Variants in BMPR1B observed in about 807,000 individuals in gnomAD.
The protein encoded by BMPR1B is bone morphogenetic protein receptor type-1B.
Under a neutral mutation model 59.1 loss-of-function variants are expected in BMPR1B, and 12 were observed. The observed-to-expected ratio is 0.20, with a 90% CI of 0.13 to 0.33. BMPR1B has a LOEUF of 0.33. BMPR1B is among the 10% of genes least tolerant of loss of function. BMPR1B has a pLI of 1.00. For missense variants in BMPR1B, 550 were observed against 610.9 expected, an observed-to-expected ratio of 0.90 and a Z score of 1.05; for synonymous variants, 237 against 207.3, an observed-to-expected ratio of 1.14 and a Z score of -1.23.
chr4:95,056,810 C>G (rs1331813772), intron 3 of BMPR1B, among the ~76,000 whole-genome samples: 1 of 151,794 alleles, frequency 6.6e-6, no homozygotes, highest in Non-Finnish European at 1.5e-5. Context: ...CAAAACAAGA[C>G]AAAAATGATC....
At position 94,921,517 on chromosome 4, in the gene BMPR1B, G is replaced by A. The variant is rs539397421; in HGVS notation, c.-113+45617G>A. Reference sequence around the variant, plus strand: ...AAAGTGGGAGAAGGCCAGTCACATGGTGAAAGCAGGACCAAGACAGAGGAA... The same window carrying A: ...AAAGTGGGAGAAGGCCAGTCACATGATGAAAGCAGGACCAAGACAGAGGAA... On this transcript the variant is annotated intron_variant, in intron 2 of 12. Coordinates refer to ENST00000515059, the MANE Select transcript of BMPR1B (RefSeq NM_001203.3). 5.9e-5 allele frequency among the ~76,000 whole-genome samples: 9 copies of A among 152,168 alleles called. No individual in the cohort carries two copies. In the East Asian group the frequency reaches 1.2e-3, roughly 20 times the overall value.
intron 2 of BMPR1B, among the ~76,000 whole-genome samples, chr4:94,953,618 G>T (rs559993257): frequency 7.2e-5 from 11 of 152,318 alleles, no homozygotes; most frequent in African/African-American, 2.6e-4. Flanking sequence ...TTTCTGCAGA[G>T]AGATCCGCTG....
intron 1 of BMPR1B, among the ~76,000 whole-genome samples, chr4:94,817,281 C>T (rs892938347): frequency 6.6e-6 from 1 of 152,136 alleles, no homozygotes; most frequent in Non-Finnish European, 1.5e-5. Flanking sequence ...TAATTTCATA[C>T]CCATAAAGTC....
intron 1 of BMPR1B, among the ~76,000 whole-genome samples, chr4:94,810,302 C>T (rs1394642078): frequency 2.0e-5 from 3 of 152,146 alleles, no homozygotes; most frequent in African/African-American, 7.2e-5. Context: ...TATTAATCTA[C>T]TCAAAATACT....
intron 3 of BMPR1B, chr4:95,103,544 G>A: frequency 2.1e-6 from 2 of 942,636 alleles, no homozygotes; most frequent in East Asian, 1.2e-4. Flanking sequence ...GCCCTCTTCT[G>A]TGTAACATAA....
rs1004753060 is a variant in BMPR1B, at chr4:94,844,707, A to G, written c.-182-31124A>G. Reference sequence around the variant, plus strand: ...CGCTCCCCGCCCCAGATTGTTTCACATACAATATGGGCCATAGGCAGTTTA... The same window carrying G: ...CGCTCCCCGCCCCAGATTGTTTCACGTACAATATGGGCCATAGGCAGTTTA... On this transcript the variant is annotated intron_variant, in intron 1 of 12. Transcript: ENST00000515059. 3.9e-5 allele frequency among the ~76,000 whole-genome samples: 6 copies of G among 152,090 alleles called. 1 individual carries two copies. Among genetic ancestry groups the G allele is most frequent in the Admixed American group, 2.6e-4 (4 of 15,266 alleles).
intron 3 of BMPR1B, among the ~76,000 whole-genome samples, chr4:95,006,883 C>G (rs1349453543): frequency 6.6e-6 from 1 of 151,972 alleles, no homozygotes; most frequent in African/African-American, 2.4e-5. Flanking sequence ...ATATGACTCT[C>G]TTTTAAAATA....
Position 94,837,095 on chromosome 4 carries a change from T to A in BMPR1B, c.-182-38736T>A, listed in dbSNP as rs538394713. Among the ~76,000 whole-genome samples the A allele has an allele frequency of 6.3e-4, 92 of 145,244 alleles. 1 individual carries two copies. Among genetic ancestry groups the A allele is most frequent in the African/African-American group, 2.2e-3 (86 of 38,956 alleles). On this transcript the variant is annotated intron_variant, in intron 1 of 12. Transcript: ENST00000515059. ...GATATGCGGCGTTATTTCTGAGGGC[T>A]CTGTTCTGTTCCATTGATCTATATC...
At chr4:94,846,733 CT>C (rs1208293677) in intron 1 of BMPR1B, among the ~76,000 whole-genome samples, 1 of 151,446 alleles carries the variant, frequency 6.6e-6, no homozygotes, top group Non-Finnish European at 1.5e-5. Flanking sequence ...ATATCTATAT[CT>C]ATATATCCAT....
intron 3 of BMPR1B, among the ~76,000 whole-genome samples, chr4:95,046,252 G>A (rs1726054842): frequency 6.6e-6 from 1 of 152,042 alleles, no homozygotes; most frequent in Admixed American, 6.6e-5. Flanking sequence ...GAGATACTTT[G>A]TATCCTTGTT....
At chr4:94,769,200 T>C (rs1560807216) in intron 1 of BMPR1B, among the ~76,000 whole-genome samples, 1 of 152,252 alleles carries the variant, frequency 6.6e-6, no homozygotes, top group Admixed American at 6.5e-5. Context: ...TTGTGAATAA[T>C]GTCTTTCTTA....
intron 3 of BMPR1B, among the ~76,000 whole-genome samples, chr4:95,052,337 A>C (rs1726566031): frequency 1.3e-5 from 2 of 152,232 alleles, no homozygotes; most frequent in South Asian, 4.1e-4. Flanking sequence ...GAAGTTGACT[A>C]AAATATAGAA....
At chr4:95,154,386 T>A (rs905006209) in intron 12 of BMPR1B, among the ~76,000 whole-genome samples, 162 bp from the exon 13 acceptor site, 1 of 152,230 alleles carries the variant, frequency 6.6e-6, no homozygotes, top group Admixed American at 6.5e-5. Context: ...TAGTCATATA[T>A]AATTTTGCAT....
chr4:94,821,372 G>A (rs1357060880), intron 1 of BMPR1B, among the ~76,000 whole-genome samples: 3 of 152,176 alleles, frequency 2.0e-5, no homozygotes, highest in South Asian at 2.1e-4. Flanking sequence ...TAATATTAGC[G>A]AAGTTTTCTC....
chr4:95,003,340 C>A (rs957241104), intron 3 of BMPR1B, among the ~76,000 whole-genome samples: 1 of 151,888 alleles, frequency 6.6e-6, no homozygotes, highest in Non-Finnish European at 1.5e-5. Flanking sequence ...ATCTTGTATT[C>A]TTGTGCCACA....
At chr4:94,907,608 C>G (rs1021160420) in intron 2 of BMPR1B, among the ~76,000 whole-genome samples, 1 of 151,940 alleles carries the variant, frequency 6.6e-6, no homozygotes, top group African/African-American at 2.4e-5. Flanking sequence ...AAGCCCTTAC[C>G]AGAACCTCTA....
At chr4:94,966,012 TAA>T (rs1192645357) in intron 2 of BMPR1B, among the ~76,000 whole-genome samples, 22 of 152,148 alleles carry the variant, frequency 1.4e-4, no homozygotes, top group Middle Eastern at 3.4e-3. Flanking sequence ...CATACAGTTG[TAA>T]AAAAAAGATT....
chr4:94,974,329 ATCAT>A (rs748333090), intron 2 of BMPR1B, among the ~76,000 whole-genome samples: 22 of 151,830 alleles, frequency 1.4e-4, no homozygotes, highest in South Asian at 4.2e-4. Flanking sequence ...AACATTTTTA[ATCAT>A]TCATTTTTTA....
At chr4:95,095,899 CAT>C (rs903382561) in intron 3 of BMPR1B, among the ~76,000 whole-genome samples, 3 of 151,594 alleles carry the variant, frequency 2.0e-5, no homozygotes, top group African/African-American at 4.8e-5. Context: ...TTTTTGAACT[CAT>C]AAGAATATTA....
Sources: gnomAD v4.1 joint callset for allele counts (sites outside exome capture counted in the v4.1 genomes callset) on GRCh38, gnomAD v4.1.1 for gene constraint, MANE v1.5 for transcripts, NCBI Gene and HGNC (gene_info 2026-07-23, HGNC 2026-07-21) for gene names.